The following LOXL2 variants were observed in gnomAD, a reference collection of about 807,000 sequenced individuals.
The protein encoded by LOXL2 is lysyl oxidase homolog 2.
In LOXL2, 70 loss-of-function variants were observed where a neutral mutation model predicts 93.0. That is an observed-to-expected ratio of 0.75 (90% CI 0.62 to 0.92). The LOEUF (loss-of-function observed/expected upper bound fraction) is 0.92, where lower values mean the gene tolerates loss of function less well. Ranked by LOEUF, LOXL2 falls within the 40% of genes least tolerant of loss-of-function variation. LOXL2 has a pLI of 0.00. For synonymous variants in LOXL2, 438 were observed against 413.2 expected (o/e 1.06, Z -0.73); for missense variants, 973 against 1,054.9 (o/e 0.92, Z 1.08).
intron 10 of LOXL2, among the ~76,000 whole-genome samples, chr8:23,303,941 C>T (rs1442962964): frequency 6.6e-6 from 1 of 152,226 alleles, no homozygotes; most frequent in Non-Finnish European, 1.5e-5. Flanking sequence ...ACAGGACACA[C>T]ACAGGTACCC....
chr8:23,369,649 TG>T (rs1804466225), intron 1 of LOXL2, among the ~76,000 whole-genome samples: 1 of 152,108 alleles, frequency 6.6e-6, no homozygotes, highest in Non-Finnish European at 1.5e-5. Context: ...AAGAGGATGC[TG>T]GGGTGGAGAT....
intron 3 of LOXL2, among the ~76,000 whole-genome samples, chr8:23,350,262 C>T (rs573569026): frequency 7.9e-5 from 12 of 152,260 alleles, no homozygotes; most frequent in Non-Finnish European, 1.5e-4. Flanking sequence ...TTTGATGATC[C>T]AATCAGAAAC....
chr8:23,354,700 C>T (rs1342727965), intron 3 of LOXL2, among the ~76,000 whole-genome samples: 8 of 151,912 alleles, frequency 5.3e-5, no homozygotes, highest in Admixed American at 3.9e-4. Context: ...TTTTCCCAGA[C>T]ACTGAATAAC....
chr8:23,332,913 C>CCCCACA (rs796248585), intron 5 of LOXL2, among the ~76,000 whole-genome samples: 1 of 149,204 alleles, frequency 6.7e-6, no homozygotes, highest in East Asian at 2.1e-4. Flanking sequence ...TACACCCCCC[C>CCCCACA]CACAGAGGGG....
At position 23,298,044 on chromosome 8, in the gene LOXL2, T is replaced by C. The variant is rs898978953; in HGVS notation, c.2324A>G (p.Ter775=). 5 of 1,613,382 alleles carry C rather than the reference T, an allele frequency of 3.1e-6. No homozygotes were observed. Among genetic ancestry groups the C allele is most frequent in the Non-Finnish European group, 4.2e-6 (5 of 1,179,756 alleles). Residue 775 remains the stop codon, a stop_retained_variant, in exon 14 of 14, where the codon TAA becomes TGA. Coordinates refer to ENST00000389131, the MANE Select transcript of LOXL2 (RefSeq NM_002318.3). The part of the protein sequence containing the change: ...GLLNNQLSPQ[*] ...CAGGAGTTGACCACGCAGGCTTCTTTACTGCGGGGACAGCTGGTTGTTTAA... is the reference window on the plus strand; with the variant it reads ...CAGGAGTTGACCACGCAGGCTTCTTCACTGCGGGGACAGCTGGTTGTTTAA...
intron 3 of LOXL2, among the ~76,000 whole-genome samples, chr8:23,356,465 G>C (rs571360813): frequency 6.6e-6 from 1 of 152,186 alleles, no homozygotes; most frequent in Non-Finnish European, 1.5e-5. Context: ...TGGTCCAGGC[G>C]GTTCTCTACC....
chr8:23,313,954 A>AAAAC (rs528225113), intron 9 of LOXL2, among the ~76,000 whole-genome samples: 9,285 of 52,464 alleles, frequency 0.18, 1,274 homozygotes, highest in Middle Eastern at 0.28. Flanking sequence ...TTACAAGAAA[A>AAAAC]AAACAACCCC....
At position 23,297,776 on chromosome 8, in the gene LOXL2, C is replaced by T; in HGVS notation, c.*267G>A. 1 of 406,702 alleles carries T rather than the reference C, an allele frequency of 2.5e-6. No individual in the cohort carries two copies. The highest frequency in any genetic ancestry group is 4.0e-5 in the Admixed American group (1 of 25,024). The allele number at this position is 406,702 out of a possible 1,614,324, so 25.2% of individuals were successfully genotyped here. On this transcript the variant is annotated 3_prime_UTR_variant, in exon 14 of 14. Coordinates refer to ENST00000389131, the MANE Select transcript of LOXL2 (RefSeq NM_002318.3). ...TCTGTGGGCCTCATCCCGGTCAAGA[C>T]TGGCTCTTGGTGCTGCTCCAGCAGC...
intron 7 of LOXL2, among the ~76,000 whole-genome samples, chr8:23,321,302 G>A (rs554248044): frequency 2.2e-5 from 3 of 133,638 alleles, no homozygotes; most frequent in Non-Finnish European, 4.9e-5. Flanking sequence ...GGCCCGGGAT[G>A]GCCTCTAGGA....
intron 3 of LOXL2, among the ~76,000 whole-genome samples, chr8:23,358,051 A>G (rs914848024): frequency 5.9e-5 from 9 of 152,350 alleles, no homozygotes; most frequent in South Asian, 2.1e-4. Flanking sequence ...TAAGATCCAC[A>G]TAAGTGGGGG....
intron 4 of LOXL2, among the ~76,000 whole-genome samples, chr8:23,339,274 C>T (rs1315164025): frequency 6.6e-6 from 1 of 152,190 alleles, no homozygotes; most frequent in Non-Finnish European, 1.5e-5. Flanking sequence ...GCAGGAGGGG[C>T]TGGTTTCCAG....
intron 1 of LOXL2, chr8:23,385,824 A>G: frequency 1.6e-6 from 1 of 632,638 alleles, no homozygotes; most frequent in Non-Finnish European, 2.9e-6. Flanking sequence ...ATATATTTCA[A>G]TATGGAATCA....
intron 1 of LOXL2, among the ~76,000 whole-genome samples, chr8:23,400,037 A>G (rs1800137136): frequency 6.6e-6 from 1 of 152,244 alleles, no homozygotes; most frequent in South Asian, 2.1e-4. Flanking sequence ...AACATCTAGG[A>G]GTCCTGTGCC....
At chr8:23,347,456 G>A (rs988342284) in intron 3 of LOXL2, among the ~76,000 whole-genome samples, 2 of 151,678 alleles carry the variant, frequency 1.3e-5, no homozygotes, top group Admixed American at 6.6e-5. Context: ...TCAGGAGTTC[G>A]AGACCAGCCT....
chr8:23,310,055 T>G, intron 9 of LOXL2, 144 bp from the exon 10 acceptor site: 1 of 787,930 alleles, frequency 1.3e-6, no homozygotes, highest in Non-Finnish European at 1.8e-6. Flanking sequence ...GTTACCTTCT[T>G]GTTTAGCAAG....
chr8:23,365,827 C>G (rs144660588), intron 2 of LOXL2: 1 of 152,344 alleles, frequency 6.6e-6, no homozygotes, highest in South Asian at 2.1e-4. Context: ...AACAGAGACT[C>G]GCAATCCAGT....
At chr8:23,305,508 C>T (rs1033456423) in intron 10 of LOXL2, among the ~76,000 whole-genome samples, 1 of 149,292 alleles carries the variant, frequency 6.7e-6, no homozygotes, top group African/African-American at 2.5e-5. Context: ...AGCCCCCCCA[C>T]ACCCCCCGCC....
At chr8:23,303,517 G>A (rs1803176131) in intron 10 of LOXL2, 120 bp from the exon 11 acceptor site, 8 of 651,014 alleles carry the variant, frequency 1.2e-5, no homozygotes, top group South Asian at 7.0e-5. Flanking sequence ...GGGGCCGGGT[G>A]GGGAGAGGAG....
At chr8:23,318,037 G>C (rs1046759921) in intron 8 of LOXL2, among the ~76,000 whole-genome samples, 1 of 151,072 alleles carries the variant, frequency 6.6e-6, no homozygotes, top group Non-Finnish European at 1.5e-5. Context: ...CAGATATTTG[G>C]TCAAACACTA....
Sources: allele counts gnomAD v4.1 joint callset (sites outside exome capture counted in the v4.1 genomes callset), GRCh38; gene constraint gnomAD v4.1.1; transcripts MANE v1.5; gene names NCBI Gene and HGNC (gene_info 2026-07-23, HGNC 2026-07-21).